Variants in PHF3 observed in about 807,000 individuals in gnomAD.
PHF3 encodes the protein PHD finger protein 3.
PHF3 carries 41 observed loss-of-function variants against 178.4 expected under a neutral mutation model. The observed-to-expected ratio is 0.23, with a 90% CI of 0.18 to 0.30. The LOEUF is 0.30. Among genes scored for constraint, PHF3 ranks in the 10% least tolerant of loss-of-function variants. The pLI, the probability that PHF3 is intolerant of heterozygous loss-of-function variation, is 1.00. For missense variants in PHF3, 2,346 were observed against 2,398.1 expected, an observed-to-expected ratio of 0.98 and a Z score of 0.45; for synonymous variants, 842 against 800.5, an observed-to-expected ratio of 1.05 and a Z score of -0.88.
rs886061663 is a variant in PHF3, at chr6:63,720,498, T to C, written c.*6790T>C. The C allele has an allele frequency of 1.2e-5, 10 of 831,600 alleles. No homozygotes were observed. Among genetic ancestry groups the C allele is most frequent in the African/African-American group, 1.7e-5 (1 of 57,558 alleles). 51.5% of individuals were successfully genotyped at this position (831,600 alleles called of 1,614,324 possible). On this transcript the variant is annotated 3_prime_UTR_variant, in exon 16 of 16. Transcript: ENST00000262043. ...AGCATTTAGACTATTTCAGGTAATA[T>C]AGTAAACAGTTGATTCCCCGTAAGC...
intron 3 of PHF3, 24 bp downstream of exon 3, chr6:63,680,185 C>T (rs912140290): frequency 1.3e-6 from 2 of 1,567,908 alleles, no homozygotes; most frequent in Admixed American, 2.0e-5. Context: ...AGAGGTCTAG[C>T]TAGAAAATTA....
chr6:63,637,435 G>A (rs866352707), intron 1 of PHF3, among the ~76,000 whole-genome samples: 22 of 152,202 alleles, frequency 1.4e-4, no homozygotes, highest in African/African-American at 5.1e-4. Flanking sequence ...TTGAGTCAAA[G>A]CACCAGAAAC....
At chr6:63,667,389 A>G (rs768496574) in intron 2 of PHF3, among the ~76,000 whole-genome samples, 2 of 152,218 alleles carry the variant, frequency 1.3e-5, no homozygotes, top group African/African-American at 4.8e-5. Flanking sequence ...AAAGTACAGT[A>G]TACTCACATT....
chr6:63,653,175 G>C (rs1022345440), intron 2 of PHF3, among the ~76,000 whole-genome samples: 1 of 142,080 alleles, frequency 7.0e-6, no homozygotes, highest in Admixed American at 7.0e-5. Context: ...TTGTGGTTCT[G>C]TGTATTGTTT....
chr6:63,691,685 G>T (rs1767008080), intron 4 of PHF3, 52 bp from the exon 5 acceptor site: 1 of 1,420,286 alleles, frequency 7.0e-7, no homozygotes, highest in African/African-American at 1.4e-5. Flanking sequence ...TTTTGACATA[G>T]ATTTTCTTGT....
At chr6:63,656,558 T>C (rs570807526) in intron 2 of PHF3, among the ~76,000 whole-genome samples, 1 of 151,412 alleles carries the variant, frequency 6.6e-6, no homozygotes, top group Non-Finnish European at 1.5e-5. Flanking sequence ...TATTGGTCTA[T>C]TGAATTCATT....
At chr6:63,704,033 A>G (rs1254098846) in intron 11 of PHF3, among the ~76,000 whole-genome samples, 2 of 152,254 alleles carry the variant, frequency 1.3e-5, no homozygotes, top group South Asian at 2.1e-4. Context: ...TTTATTATAT[A>G]TAACATAAGA....
At chr6:63,666,499 G>T (rs888993874) in intron 2 of PHF3, among the ~76,000 whole-genome samples, 20 of 151,448 alleles carry the variant, frequency 1.3e-4, no homozygotes, top group Admixed American at 4.6e-4. Context: ...TCATTCCGCG[G>T]TATCCATAGG....
At chr6:63,698,173 A>C (rs1191194682) in intron 6 of PHF3, 50 bp from the exon 7 acceptor site, 2 of 1,433,000 alleles carry the variant, frequency 1.4e-6, no homozygotes, top group African/African-American at 2.8e-5. Context: ...TTAAAAAGGA[A>C]AGATATTTTT....
intron 2 of PHF3, among the ~76,000 whole-genome samples, chr6:63,648,064 C>T (rs1298251799): frequency 6.6e-6 from 1 of 152,126 alleles, no homozygotes; most frequent in Admixed American, 6.5e-5. Flanking sequence ...GTTACTCTGC[C>T]TGAGGACCTC....
At chr6:63,664,757 A>G (rs1030520451) in intron 2 of PHF3, among the ~76,000 whole-genome samples, 7 of 152,064 alleles carry the variant, frequency 4.6e-5, no homozygotes, top group Non-Finnish European at 1.0e-4. Context: ...TCTGGTTCCA[A>G]GTTGAGCTTG....
rs545749120 is a variant in PHF3, at chr6:63,723,964, C to T, written c.*10256C>T. Among the ~76,000 whole-genome samples, 116 of 152,078 alleles carry T rather than the reference C, an allele frequency of 7.6e-4. 1 individual carries two copies. The South Asian group carries it at 0.023, about 30-fold the overall frequency. ...CTGGGACTACAGGCACTGGCCATCACGGCCGGCTAATTTTTGTATTTTGGG... is the reference window on the plus strand; with the variant it reads ...CTGGGACTACAGGCACTGGCCATCATGGCCGGCTAATTTTTGTATTTTGGG... On this transcript the variant is annotated 3_prime_UTR_variant, in exon 16 of 16. Transcript: ENST00000262043.
In PHF3 at chr6:63,685,390, A is replaced by G. The variant is rs764655607; in HGVS notation, c.1668A>G (p.Pro556=). Residue 556 remains proline, a synonymous_variant, in exon 4 of 16, where the codon CCA becomes CCG. Coordinates refer to ENST00000262043, the MANE Select transcript of PHF3 (RefSeq NM_001370348.2). ...KVRKKQIDKE[P]KIQSCNSGVK... ...GAAAAAAACAAATTGATAAGGAGCC[A>G]AAGATTCAGAGTTGCAATTCTGGGG... 1 of 1,614,064 alleles carries G rather than the reference A, an allele frequency of 6.2e-7. No homozygotes were observed. Among genetic ancestry groups the G allele is most frequent in the Non-Finnish European group, 8.5e-7 (1 of 1,179,994 alleles).
chr6:63,638,443 T>C (rs1764439701), intron 1 of PHF3, among the ~76,000 whole-genome samples: 1 of 152,280 alleles, frequency 6.6e-6, no homozygotes, highest in Non-Finnish European at 1.5e-5. Flanking sequence ...TTGATACATT[T>C]TGCCTTCTTA....
Position 63,726,005 on chromosome 6 carries a change from A to G in PHF3, c.*12297A>G, listed in dbSNP as rs1037710063. Among the ~76,000 whole-genome samples, 3 of 152,284 alleles carry G rather than the reference A, an allele frequency of 2.0e-5. No individual in the cohort carries two copies. The highest frequency in any genetic ancestry group is 7.2e-5 in the African/African-American group (3 of 41,584). On this transcript the variant is annotated 3_prime_UTR_variant, in exon 16 of 16. Coordinates refer to ENST00000262043, the MANE Select transcript of PHF3 (RefSeq NM_001370348.2). Reference sequence around the variant, plus strand: ...AAAACCTAAAAAATTAAATTTTAAAACACTAATTGGATACTTTATTTCATA... The same window carrying G: ...AAAACCTAAAAAATTAAATTTTAAAGCACTAATTGGATACTTTATTTCATA...
chr6:63,638,952 G>A (rs1428992413), intron 1 of PHF3, among the ~76,000 whole-genome samples: 1 of 152,072 alleles, frequency 6.6e-6, no homozygotes, highest in Non-Finnish European at 1.5e-5. Context: ...AGACCCTGAG[G>A]CTGTTTCTAT....
intron 2 of PHF3, among the ~76,000 whole-genome samples, chr6:63,657,007 C>CCTTTTCA (rs1439516505): frequency 2.0e-5 from 3 of 152,254 alleles, no homozygotes; most frequent in African/African-American, 7.2e-5. Context: ...TTTCCCTGGG[C>CCTTTTCA]ACTTGGTGGG....
At chr6:63,653,692 A>G (rs1203664795) in intron 2 of PHF3, among the ~76,000 whole-genome samples, 1 of 152,084 alleles carries the variant, frequency 6.6e-6, no homozygotes, top group Non-Finnish European at 1.5e-5. Context: ...TCGAATGAAA[A>G]TGGGCATCCT....
intron 9 of PHF3, among the ~76,000 whole-genome samples, chr6:63,701,089 A>G (rs2149601204): frequency 6.6e-6 from 1 of 152,370 alleles, no homozygotes; most frequent in South Asian, 2.1e-4. Context: ...TGAAGGTATT[A>G]TGAATATTGG....
Sources: gnomAD v4.1 joint callset for allele counts (sites outside exome capture counted in the v4.1 genomes callset) on GRCh38, gnomAD v4.1.1 for gene constraint, MANE v1.5 for transcripts, NCBI Gene and HGNC (gene_info 2026-07-23, HGNC 2026-07-21) for gene names.